ACBD5: variants seen among roughly 807,000 people sequenced by gnomAD.
The protein encoded by ACBD5 is acyl-CoA binding domain containing 5, also known as acyl-CoA-binding domain-containing protein 5.
In ACBD5, 40 loss-of-function variants were observed where a neutral mutation model predicts 71.8. The observed-to-expected ratio is 0.56, with a 90% CI of 0.43 to 0.72. The LOEUF (loss-of-function observed/expected upper bound fraction) is 0.72. Ranked by LOEUF, ACBD5 falls within the 30% of genes least tolerant of loss-of-function variation. The pLI is 0.00. For missense variants in ACBD5, 559 were observed against 644.5 expected (o/e 0.87, Z 1.44); for synonymous variants, 229 against 218.6 (o/e 1.05, Z -0.42).
At chr10:27,238,087 A>G (rs547610425) in intron 2 of ACBD5, among the ~76,000 whole-genome samples, 9 of 152,156 alleles carry the variant, frequency 5.9e-5, no homozygotes, top group African/African-American at 2.2e-4. Context: ...GTGGGACTAC[A>G]GGCGCCCACG....
chr10:27,231,660 T>C (rs2063881346), intron 4 of ACBD5, 88 bp downstream of exon 4: 1 of 1,163,544 alleles, frequency 8.6e-7, no homozygotes, highest in Non-Finnish European at 1.3e-6. Flanking sequence ...TACAATCTCC[T>C]TAAAGCAAAG....
At chr10:27,241,853 A>G (rs1450792500), upstream of ACBD5, among the ~76,000 whole-genome samples, 9 of 152,098 alleles carry the variant, frequency 5.9e-5, no homozygotes, top group Admixed American at 5.2e-4. Flanking sequence ...GTCCTTAGGC[A>G]TTTGGGAAGT....
At chr10:27,194,705 G>C (rs1453561994), downstream of ACBD5, among the ~76,000 whole-genome samples, 1 of 149,746 alleles carries the variant, frequency 6.7e-6, no homozygotes, top group African/African-American at 2.4e-5. Context: ...TTTGGTGTAA[G>C]AACTGAAACC....
At chr10:27,233,109 G>A (rs1780090) in intron 3 of ACBD5, among the ~76,000 whole-genome samples, 117,981 of 152,104 alleles carry the variant, frequency 0.78, 46,015 homozygotes, top group African/African-American at 0.86. Flanking sequence ...GAGCATCACA[G>A]TGTGTGGGGA....
intron 12 of ACBD5, among the ~76,000 whole-genome samples, chr10:27,202,678 T>A (rs1478044728): frequency 2.0e-5 from 3 of 152,068 alleles, no homozygotes; most frequent in African/African-American, 7.2e-5. Context: ...GTTTTTTTTT[T>A]AAGCAAATTC....
intron 12 of ACBD5, among the ~76,000 whole-genome samples, chr10:27,202,566 C>T (rs2060029714): frequency 1.3e-5 from 2 of 152,108 alleles, no homozygotes; most frequent in Non-Finnish European, 2.9e-5. Context: ...TTTTATGTGA[C>T]TGTTGATGTA....
rs12098618 is a variant in ACBD5 at position 27,221,848 on chromosome 10, T to C, written c.490+1490A>G. 1.7e-3 allele frequency among the ~76,000 whole-genome samples: 241 copies of C among 143,726 alleles called. 1 individual carries two copies. The highest frequency in any genetic ancestry group is 5.9e-3 in the African/African-American group (231 of 38,866). 94.3% of individuals were successfully genotyped at this position (143,726 alleles called of 152,430 possible). A position where few individuals can be genotyped will look rare whatever the true frequency, so the allele number is the denominator to read the frequency against. ...CAGGAGAATTGCTTGAACCCAGGAG[T>C]TGGAGGTTGCAGTGAGTCAAGATGG... is the stretch of plus-strand genomic sequence containing the variant. On this transcript the variant is annotated intron_variant, in intron 5 of 12. Coordinates refer to ENST00000396271, the MANE Select transcript of ACBD5 (RefSeq NM_145698.5).
chr10:27,213,161 T>C (rs1026266965), intron 8 of ACBD5, among the ~76,000 whole-genome samples: 17 of 151,948 alleles, frequency 1.1e-4, no homozygotes, highest in Middle Eastern at 3.2e-3. Context: ...AACAACTCAA[T>C]AGGAAAAAAA....
At chr10:27,211,199 G>T in intron 8 of ACBD5, 118 bp from the exon 9 acceptor site, 1 of 1,077,696 alleles carries the variant, frequency 9.3e-7, no homozygotes, top group Non-Finnish European at 1.4e-6. Context: ...GTTATTATTG[G>T]AAATATTCTT....
chr10:27,223,527 T>C, intron 4 of ACBD5, 75 bp from the exon 5 acceptor site: 1 of 1,062,484 alleles, frequency 9.4e-7, no homozygotes, highest in African/African-American at 1.6e-5. Context: ...AATAATCTCC[T>C]ATTTCCAATT....
chr10:27,235,100 T>G lies in ACBD5; in HGVS notation c.294A>C (p.Arg98Ser). The part of the protein sequence containing the change: ...SRPGFWDPIG[R>S]YKWDAWSSLG... ...TCTACACAAAAAATTACCATTTATA[T>G]CTTCCAATAGGATCCCAAAATCCAG... Residue 98 changes from arginine (R) to serine (S), a missense_variant, in exon 3 of 13, where the codon AGA (arginine) becomes AGC (serine). Transcript: ENST00000396271. The G allele has an allele frequency of 6.2e-7, 1 of 1,613,944 alleles. No individual in the cohort carries two copies. Among genetic ancestry groups the G allele is most frequent in the Non-Finnish European group, 8.5e-7 (1 of 1,179,900 alleles).
chr10:27,204,509 A>G lies in ACBD5; in HGVS notation c.1496T>C (p.Leu499Pro). Residue 499 changes from leucine (L) to proline (P), a missense_variant, in exon 12 of 13, where the codon CTA becomes CCA. Physicochemically the swap from Leu to Pro is moderately conservative, Grantham distance 98 (BLOSUM62 -3). Transcript: ENST00000396271. ...AAAAGGCCATATGATGGCAAACGTT[A>G]GCACACCAGGAGACATCTCGAAGGG... Reference protein sequence around the residue: ...WWPFEMSPGVLTFAIIWPFIA... With the variant: ...WWPFEMSPGVPTFAIIWPFIA... 2.5e-6 allele frequency: 4 copies of G among 1,614,148 alleles called. No homozygotes were observed. The highest frequency in any genetic ancestry group is 3.4e-6 in the Non-Finnish European group (4 of 1,179,994).
chr10:27,217,081 G>A (rs7903590), intron 7 of ACBD5, among the ~76,000 whole-genome samples: 102,627 of 144,694 alleles, frequency 0.71, 36,349 homozygotes, highest in Admixed American at 0.73. Flanking sequence ...AGGAGGCGGA[G>A]CTTGCAGTGA....
chr10:27,218,183 T>C lies in ACBD5; in HGVS notation c.626A>G (p.Asp209Gly). The C allele has an allele frequency of 6.2e-7, 1 of 1,611,908 alleles. No individual in the cohort carries two copies. The highest frequency in any genetic ancestry group is 8.5e-7 in the Non-Finnish European group (1 of 1,178,306). ...TGCTGACTTCTTCATCATTTTCTTA[T>C]CTTTTACGAGAAAATGGGAAAGATT... ...EVKGAEQSDN[D>G]KKMMKKSADH... The change falls in exon 7 of 13, where the codon GAT (aspartate) becomes GGT (glycine). Residue 209 changes from aspartate (D) to glycine (G), a missense_variant and splice_region_variant. By Grantham distance (94) the Asp-to-Gly change is moderately conservative. Transcript: ENST00000396271.
In ACBD5 at chr10:27,208,300, G is replaced by A. The variant is rs768701702; in HGVS notation, c.1350C>T (p.Asp450=). The A allele has an allele frequency of 2.5e-6, 4 of 1,614,128 alleles. No individual in the cohort carries two copies. The Admixed American group carries it at 5.0e-5, about 20-fold the overall frequency. The change falls in exon 10 of 13, where the codon GAC becomes GAT. Residue 450 remains aspartate, a synonymous_variant. Transcript: ENST00000396271. ...GCAGTCTCTGAAGGACATTCTGCAT[G>A]TCCTCCTGCAGTCTCATCAGCACGA... The part of the protein sequence containing the change: ...IALVLMRLQE[D]MQNVLQRLQK...
chr10:27,219,314 A>AC (rs1554846285), intron 6 of ACBD5, among the ~76,000 whole-genome samples: 1 of 72,198 alleles, frequency 1.4e-5, no homozygotes, highest in Non-Finnish European at 3.2e-5. Flanking sequence ...CTCATAAAAA[A>AC]ACAAAAAAAA....
chr10:27,199,346 G>A (rs1226250531), intron 12 of ACBD5, among the ~76,000 whole-genome samples: 3 of 151,680 alleles, frequency 2.0e-5, no homozygotes, highest in Non-Finnish European at 2.9e-5. Flanking sequence ...GTGAGCCACC[G>A]TGCCCAGCCT....
chr10:27,240,480 T>C lies in ACBD5; in HGVS notation c.20A>G (p.His7Arg). 2 of 1,609,384 alleles carry C rather than the reference T, an allele frequency of 1.2e-6. No individual in the cohort carries two copies. The highest frequency in any genetic ancestry group is 1.7e-6 in the Non-Finnish European group (2 of 1,177,592). Residue 7 changes from histidine (H) to arginine (R), a missense_variant, in exon 2 of 13, where the codon CAT becomes CGT. Physicochemically the swap from His to Arg is conservative, Grantham distance 29. Transcript: ENST00000396271. The surrounding 1 kb of genome is among the most constrained non-coding windows in gnomAD (Gnocchi z 4.1). ...GCACCAGCTTTCCCAAGAGCCTGCA[T>C]GAAACTGGAACATGGAGCGCAGCCG... MLFLSFHAGSWESWCCC... is the reference protein window; with the variant it reads MLFLSFRAGSWESWCCC...
At chr10:27,217,692 G>A (rs1013382275) in intron 7 of ACBD5, among the ~76,000 whole-genome samples, 8 of 152,024 alleles carry the variant, frequency 5.3e-5, no homozygotes, top group Admixed American at 2.0e-4. Context: ...GTACATGCCT[G>A]TAATCCCAGC....
Sources: gnomAD v4.1 joint callset for allele counts (sites outside exome capture counted in the v4.1 genomes callset) on GRCh38, gnomAD v4.1.1 for gene constraint, Gnocchi (gnomAD v3.1) non-coding constraint, MANE v1.5 for transcripts, NCBI Gene and HGNC (gene_info 2026-07-23, HGNC 2026-07-21) for gene names.